The following EFCAB6 variants were observed in gnomAD, a reference collection of about 807,000 sequenced individuals.
EFCAB6 encodes EF-hand calcium binding domain 6.
In EFCAB6, 156 loss-of-function variants were observed where a neutral mutation model predicts 169.8. The ratio of observed to expected loss-of-function variants is 0.92; its 90% CI spans 0.81 to 1.05. EFCAB6 has a LOEUF of 1.05. EFCAB6 is among the 50% of genes least tolerant of loss of function. EFCAB6 has a pLI of 0.00. For synonymous variants in EFCAB6, 698 were observed against 676.4 expected (o/e 1.03, Z -0.50); for missense variants, 1,800 against 1,829.1 (o/e 0.98, Z 0.29).
chr22:43,642,806 C>T (rs777024393), intron 17 of EFCAB6, among the ~76,000 whole-genome samples: 2 of 152,092 alleles, frequency 1.3e-5, no homozygotes, highest in South Asian at 2.1e-4. Context: ...GTGCACAGGC[C>T]GCAGGATATT....
Position 43,537,425 on chromosome 22 carries a change from C to T in EFCAB6, c.4000G>A (p.Glu1334Lys). 6.2e-7 allele frequency: 1 copy of T among 1,614,146 alleles called. No individual in the cohort carries two copies. Among genetic ancestry groups the T allele is most frequent in the Non-Finnish European group, 8.5e-7 (1 of 1,180,030 alleles). The change falls in exon 29 of 32, where the codon GAG becomes AAG. Residue 1334 changes from glutamate (E) to lysine (K), a missense_variant. Glu to Lys is a moderately conservative substitution (Grantham distance 56). Coordinates refer to ENST00000262726, the MANE Select transcript of EFCAB6 (RefSeq NM_022785.4). The surrounding 1 kb of genome is among the most constrained non-coding windows in gnomAD (Gnocchi z 4.3). ...CWRQLLKECK[E>K]KDVARQGDIN... ...TCCCCCTGTCTGGCCACGTCCTTCT[C>T]CTTGCATTCTTTCAGGAGCTGGCGC...
intron 6 of EFCAB6, among the ~76,000 whole-genome samples, chr22:43,748,271 G>T (rs1336267007): frequency 6.6e-6 from 1 of 152,144 alleles, no homozygotes; most frequent in African/African-American, 2.4e-5. Flanking sequence ...CATGCCGAAG[G>T]GTTAAAACCT....
chr22:43,801,394 C>T (rs936519982), intron 2 of EFCAB6, among the ~76,000 whole-genome samples: 6 of 151,988 alleles, frequency 3.9e-5, no homozygotes, highest in African/African-American at 1.5e-4. Context: ...AGATATAAAA[C>T]ATGCTGGTAA....
At chr22:43,761,374 C>T (rs1195622540) in intron 5 of EFCAB6, among the ~76,000 whole-genome samples, 1 of 152,078 alleles carries the variant, frequency 6.6e-6, no homozygotes. Context: ...GTCTCCTATG[C>T]CTGTCCTCCT....
In EFCAB6 at chr22:43,702,208, G is replaced by A. The variant is rs1224212577; in HGVS notation, c.1031+9267C>T. Among the ~76,000 whole-genome samples, 3 of 152,286 alleles carry A rather than the reference G, an allele frequency of 2.0e-5. No individual in the cohort carries two copies. The East Asian group carries it at 5.8e-4, about 29-fold the overall frequency. On this transcript the variant is annotated intron_variant, in intron 10 of 31. Coordinates refer to ENST00000262726, the MANE Select transcript of EFCAB6 (RefSeq NM_022785.4). The stretch of plus-strand genomic sequence containing the variant: ...GTAGAACACTCACACAATGTTGATG[G>A]CAATGTGAATCACTACTCTTTTGAG...
intron 20 of EFCAB6, among the ~76,000 whole-genome samples, chr22:43,616,480 T>G (rs886416082): frequency 6.6e-5 from 10 of 152,138 alleles, no homozygotes; most frequent in Non-Finnish European, 1.0e-4. Context: ...CTGGCCACCA[T>G]GGTGAAACCC....
At chr22:43,755,672 G>A in intron 6 of EFCAB6, 94 bp downstream of exon 6, 1 of 1,123,240 alleles carries the variant, frequency 8.9e-7, no homozygotes, top group East Asian at 2.6e-5. Flanking sequence ...CGGATGACAA[G>A]GTGTGGCTCA....
At chr22:43,762,880 G>C (rs1422813923) in intron 5 of EFCAB6, among the ~76,000 whole-genome samples, 1 of 152,160 alleles carries the variant, frequency 6.6e-6, no homozygotes, top group Non-Finnish European at 1.5e-5. Context: ...ATGGTTTTAT[G>C]TCAAGAACAA....
chr22:43,757,088 T>C (rs558652980), intron 5 of EFCAB6, among the ~76,000 whole-genome samples: 1 of 152,322 alleles, frequency 6.6e-6, no homozygotes, highest in East Asian at 1.9e-4. Flanking sequence ...AGAGATTGAA[T>C]TCCTTACATA....
chr22:43,737,892 ATCAC>A (rs2060214045), intron 6 of EFCAB6, among the ~76,000 whole-genome samples: 1 of 150,720 alleles, frequency 6.6e-6, no homozygotes, highest in African/African-American at 2.4e-5. Flanking sequence ...CACTCACACC[ATCAC>A]TCACATATAC....
Position 43,782,175 on chromosome 22 carries a change from C to G in EFCAB6, c.139+5G>C, listed in dbSNP as rs1200181996. ...TAGTGTTCTTATTTGCTCATGAATA[C>G]TTACTTGAAGAAGATCTGAACTTAT... On this transcript the variant is annotated splice_donor_5th_base_variant and intron_variant, in intron 3 of 31. Coordinates refer to ENST00000262726, the MANE Select transcript of EFCAB6 (RefSeq NM_022785.4). The G allele has an allele frequency of 1.9e-6, 3 of 1,610,642 alleles. No homozygotes were observed. The highest frequency in any genetic ancestry group is 3.4e-5 in the Admixed American group (2 of 59,324).
chr22:43,786,142 C>A (rs1052403351), intron 2 of EFCAB6, among the ~76,000 whole-genome samples: 1 of 152,074 alleles, frequency 6.6e-6, no homozygotes, highest in Admixed American at 6.6e-5. Flanking sequence ...GTGTGTGGAT[C>A]ACCTGACGTC....
At chr22:43,679,619 T>C (rs752068443) in intron 12 of EFCAB6, among the ~76,000 whole-genome samples, 5 of 152,210 alleles carry the variant, frequency 3.3e-5, no homozygotes, top group Non-Finnish European at 5.9e-5. Context: ...AGAGTTCCAG[T>C]ATCTCCACAT....
At chr22:43,565,557 G>A (rs193186572) in intron 26 of EFCAB6, among the ~76,000 whole-genome samples, 2 of 152,224 alleles carry the variant, frequency 1.3e-5, no homozygotes, top group Admixed American at 6.5e-5. Context: ...CCAAGATGGC[G>A]GTCACCCACC....
At chr22:43,742,524 G>T (rs113853355) in intron 6 of EFCAB6, among the ~76,000 whole-genome samples, 69 of 152,362 alleles carry the variant, frequency 4.5e-4, no homozygotes, top group African/African-American at 1.5e-3. Context: ...GAAAAGCACT[G>T]AAGATTTTAA....
At chr22:43,653,065 A>T (rs914358601) in intron 17 of EFCAB6, among the ~76,000 whole-genome samples, 2 of 152,222 alleles carry the variant, frequency 1.3e-5, no homozygotes, top group African/African-American at 4.8e-5. Flanking sequence ...GAAAGCAAAA[A>T]GATAGAAACT....
At chr22:43,627,706 C>A (rs2054625127) in intron 19 of EFCAB6, among the ~76,000 whole-genome samples, 2 of 152,188 alleles carry the variant, frequency 1.3e-5, no homozygotes, top group Non-Finnish European at 2.9e-5. Context: ...AGCCCCTCAC[C>A]TAGGAGTTAC....
intron 17 of EFCAB6, 66 bp downstream of exon 17, chr22:43,667,038 T>G: frequency 6.5e-7 from 1 of 1,537,262 alleles, no homozygotes; most frequent in Non-Finnish European, 8.8e-7. Flanking sequence ...TCCTTTAAAG[T>G]ATGTTAGTAT....
chr22:43,781,778 T>C (rs2061830292), intron 3 of EFCAB6, among the ~76,000 whole-genome samples: 1 of 152,118 alleles, frequency 6.6e-6, no homozygotes. Flanking sequence ...TAATATGAGA[T>C]GTTAATTATG....
Sources: allele counts gnomAD v4.1 joint callset (sites outside exome capture counted in the v4.1 genomes callset), GRCh38; gene constraint gnomAD v4.1.1; non-coding constraint Gnocchi (gnomAD v3.1); transcripts MANE v1.5; gene names NCBI Gene and HGNC (gene_info 2026-07-23, HGNC 2026-07-21).